The following PELI2 variants were observed in gnomAD, a reference collection of about 807,000 sequenced individuals.
The protein encoded by PELI2 is E3 ubiquitin-protein ligase pellino homolog 2.
In PELI2, 23 loss-of-function variants were observed where a neutral mutation model predicts 42.3. The ratio of observed to expected loss-of-function variants is 0.54; its 90% CI spans 0.39 to 0.77. PELI2 has a LOEUF of 0.77. PELI2 is among the 30% of genes least tolerant of loss of function. PELI2 has a pLI of 0.00. For missense variants in PELI2, 463 were observed against 553.2 expected (o/e 0.84, Z 1.64); for synonymous variants, 245 against 212.2 (o/e 1.15, Z -1.34).
intron 1 of PELI2, among the ~76,000 whole-genome samples, chr14:56,172,871 G>A (rs1885230715): frequency 6.6e-6 from 1 of 152,164 alleles, no homozygotes; most frequent in East Asian, 1.9e-4. Flanking sequence ...TAACTGATTA[G>A]ACACTGTTGA....
In PELI2 at chr14:56,278,556, A is replaced by C. The variant is rs57090012; in HGVS notation, c.208-1120A>C. 7.9e-3 allele frequency among the ~76,000 whole-genome samples: 1,204 copies of C among 152,334 alleles called. 12 individuals carry two copies. Among genetic ancestry groups the C allele is most frequent in the African/African-American group, 0.028 (1,150 of 41,584 alleles). ...AAGAAGTATTATCTTAAGGAAGCAC[A>C]TAAAATAAAACATCAGCTCAATCAT... On this transcript the variant is annotated intron_variant, in intron 2 of 5. Coordinates refer to ENST00000267460, the MANE Select transcript of PELI2 (RefSeq NM_021255.3).
rs1889186866 is a variant in PELI2 at position 56,273,742 on chromosome 14, T to G, written c.208-5934T>G. 1.3e-5 allele frequency among the ~76,000 whole-genome samples: 2 copies of G among 152,200 alleles called. No homozygotes were observed. The highest frequency in any genetic ancestry group is 1.3e-4 in the Admixed American group (2 of 15,280). ...GAAGTTTTTAAGTGTGAGTGACTGT[T>G]GTGCTATTGACTGAAATAGGAAACC... On this transcript the variant is annotated intron_variant, in intron 2 of 5. Coordinates refer to ENST00000267460, the MANE Select transcript of PELI2 (RefSeq NM_021255.3). The surrounding 1 kb of genome is among the most constrained non-coding windows in gnomAD (Gnocchi z 4.3).
At chr14:56,236,970 C>T (rs1365123593) in intron 2 of PELI2, among the ~76,000 whole-genome samples, 6 of 152,138 alleles carry the variant, frequency 3.9e-5, no homozygotes, top group Non-Finnish European at 8.8e-5. Flanking sequence ...TTGGGATGCC[C>T]TATTAGATGC....
rs898977825 is a variant in PELI2 at position 56,295,483 on chromosome 14, C to T, written c.697-1117C>T. On this transcript the variant is annotated intron_variant, in intron 5 of 5. Transcript: ENST00000267460. ...TCTCCCTGCTGTGCCTTCCTGCTAT[C>T]CTCCCTACTGAGGCCTGACATCTTT... 2.0e-5 allele frequency among the ~76,000 whole-genome samples: 3 copies of T among 152,254 alleles called. No homozygotes were observed. In the East Asian group the frequency reaches 5.8e-4, roughly 29 times the overall value.
intron 1 of PELI2, among the ~76,000 whole-genome samples, chr14:56,125,418 G>GT (rs1450945870): frequency 2.4e-5 from 2 of 83,114 alleles, no homozygotes. Context: ...GGGTGGGCAG[G>GT]GGGGGGGTGA....
In PELI2 at chr14:56,290,327, C is replaced by T. The variant is rs1375192647; in HGVS notation, c.567C>T (p.Gly189=). The T allele has an allele frequency of 3.7e-6, 6 of 1,613,210 alleles. No individual in the cohort carries two copies. The highest frequency in any genetic ancestry group is 3.3e-4 in the Middle Eastern group (2 of 6,062). ...DGHMDGLTTN[G]VLVMHPRGGF... ...ACATGGATGGGCTCACTACTAATGG[C>T]GTCCTGGTGATGCATCCACGAGGGG... Residue 189 remains glycine (G), a synonymous_variant, in exon 5 of 6, where the codon GGC becomes GGT. Transcript: ENST00000267460.
At chr14:56,258,162 T>A (rs372829855) in intron 2 of PELI2, among the ~76,000 whole-genome samples, 19 of 152,116 alleles carry the variant, frequency 1.2e-4, no homozygotes, top group African/African-American at 4.1e-4. Context: ...GGATAAATTA[T>A]CCCTAGATCA....
At chr14:56,194,914 G>A (rs1216049239) in intron 2 of PELI2, among the ~76,000 whole-genome samples, 3 of 152,318 alleles carry the variant, frequency 2.0e-5, no homozygotes, top group African/African-American at 7.2e-5. Context: ...AGGACCGAGT[G>A]TTGATGCTTT....
chr14:56,137,606 G>A (rs1566600734), intron 1 of PELI2, among the ~76,000 whole-genome samples: 1 of 152,178 alleles, frequency 6.6e-6, no homozygotes, highest in Non-Finnish European at 1.5e-5. Context: ...CCTTCTAGGG[G>A]AAATTGCTTC....
intron 2 of PELI2, among the ~76,000 whole-genome samples, chr14:56,261,943 C>G (rs772836335): frequency 3.3e-5 from 5 of 152,146 alleles, no homozygotes; most frequent in African/African-American, 1.2e-4. Context: ...CTTTCTGTCC[C>G]CCATAAATAA....
rs1886516352 is a variant in PELI2 at position 56,206,320 on chromosome 14, CCCTTT to C, written c.207+27858_207+27862del. Among the ~76,000 whole-genome samples, 3 of 152,298 alleles carry C rather than the reference CCCTTT, an allele frequency of 2.0e-5. No individual in the cohort carries two copies. The South Asian group carries it at 6.2e-4, about 32-fold the overall frequency. On this transcript the variant is annotated intron_variant, in intron 2 of 5. Transcript: ENST00000267460. ...GGGTCTGCATTTCTCTCTTCCATTT[CCCTTT>C]CAAGAAAAATTTTAAGTTATTCTTA... is the stretch of plus-strand genomic sequence containing the variant.
intron 1 of PELI2, among the ~76,000 whole-genome samples, chr14:56,140,107 A>G (rs1883847115): frequency 6.6e-6 from 1 of 151,906 alleles, no homozygotes. Flanking sequence ...TTATAGCTAA[A>G]TCACCCGTCA....
At chr14:56,254,989 G>T (rs747651137) in intron 2 of PELI2, among the ~76,000 whole-genome samples, 24 of 152,314 alleles carry the variant, frequency 1.6e-4, no homozygotes, top group Admixed American at 1.2e-3. Context: ...AGAAACAACA[G>T]ATGCTGGAGA....
chr14:56,164,518 T>C (rs961990413), intron 1 of PELI2, among the ~76,000 whole-genome samples: 12 of 152,142 alleles, frequency 7.9e-5, no homozygotes, highest in African/African-American at 1.2e-4. Context: ...TGATGTGTCT[T>C]CATGTGGTTT....
intron 2 of PELI2, among the ~76,000 whole-genome samples, chr14:56,215,543 A>G (rs1886879080): frequency 6.6e-6 from 1 of 152,218 alleles, no homozygotes; most frequent in African/African-American, 2.4e-5. Flanking sequence ...ACCAAGACTA[A>G]AAGACATGAT....
At chr14:56,118,838 C>T (rs2139565795) in intron 1 of PELI2, 101 bp downstream of exon 1, 2 of 691,112 alleles carry the variant, frequency 2.9e-6, no homozygotes, top group Non-Finnish European at 2.1e-6. Context: ...TTGGGGACCG[C>T]CGGGGCGCTC....
intron 5 of PELI2, among the ~76,000 whole-genome samples, chr14:56,293,864 G>A (rs1047132188): frequency 5.3e-5 from 8 of 152,184 alleles, no homozygotes; most frequent in African/African-American, 1.9e-4. Context: ...AGGAAAGGGG[G>A]GTTGTTCCAC....
chr14:56,271,203 T>C (rs1301278214), intron 2 of PELI2, among the ~76,000 whole-genome samples: 3 of 152,194 alleles, frequency 2.0e-5, no homozygotes, highest in Non-Finnish European at 4.4e-5. Flanking sequence ...ATTCAGCAGT[T>C]ATTTCCAGGC....
intron 1 of PELI2, among the ~76,000 whole-genome samples, chr14:56,134,372 G>C (rs1474519267): frequency 6.6e-6 from 1 of 151,978 alleles, no homozygotes; most frequent in African/African-American, 2.4e-5. Flanking sequence ...TAGTTGCTCT[G>C]GTTTCTTATC....
Sources: allele counts gnomAD v4.1 joint callset (sites outside exome capture counted in the v4.1 genomes callset), GRCh38; gene constraint gnomAD v4.1.1; non-coding constraint Gnocchi (gnomAD v3.1); transcripts MANE v1.5; gene names NCBI Gene and HGNC (gene_info 2026-07-23, HGNC 2026-07-21).